The following RAP1GDS1 variants were observed in gnomAD, a reference collection of about 807,000 sequenced individuals.
RAP1GDS1 encodes Rap1 GTPase-GDP dissociation stimulator 1.
Under a neutral mutation model 71.1 loss-of-function variants are expected in RAP1GDS1, and 35 were observed. That is an observed-to-expected ratio of 0.49 (90% confidence interval 0.38 to 0.65). The LOEUF (loss-of-function observed/expected upper bound fraction) is 0.65. RAP1GDS1 is among the 30% of genes least tolerant of loss of function. The pLI is 0.00. For missense variants in RAP1GDS1, 663 were observed against 706.1 expected, an observed-to-expected ratio of 0.94 and a Z score of 0.69; for synonymous variants, 229 against 243.1, an observed-to-expected ratio of 0.94 and a Z score of 0.54.
chr4:98,291,655 G>A (rs1177844924), intron 1 of RAP1GDS1, among the ~76,000 whole-genome samples: 1 of 152,100 alleles, frequency 6.6e-6, no homozygotes, highest in Admixed American at 6.6e-5. Context: ...TATTTGTAGA[G>A]TCACAATGGG....
chr4:98,264,725 C>T (rs907820372), intron 1 of RAP1GDS1, among the ~76,000 whole-genome samples: 1 of 151,900 alleles, frequency 6.6e-6, no homozygotes, highest in Non-Finnish European at 1.5e-5. Flanking sequence ...ATGGAGAGAA[C>T]GTTTTAGAGA....
At chr4:98,441,162 T>C (rs1482623954) in intron 14 of RAP1GDS1, among the ~76,000 whole-genome samples, 1 of 152,232 alleles carries the variant, frequency 6.6e-6, no homozygotes, top group Non-Finnish European at 1.5e-5. Context: ...ATTTTTCTAT[T>C]ACTACTAAAA....
chr4:98,302,838 G>A (rs1578363897), intron 2 of RAP1GDS1, among the ~76,000 whole-genome samples: 1 of 152,188 alleles, frequency 6.6e-6, no homozygotes, highest in South Asian at 2.1e-4. Context: ...TTGAGGTCAG[G>A]AGTTGGAGAC....
At chr4:98,405,871 T>C (rs1484273966) in intron 7 of RAP1GDS1, among the ~76,000 whole-genome samples, 1 of 151,996 alleles carries the variant, frequency 6.6e-6, no homozygotes. Flanking sequence ...ACATTGAATA[T>C]ATCAAAAAAA....
Position 98,379,339 on chromosome 4 carries a change from T to A in RAP1GDS1, c.508+176T>A, listed in dbSNP as rs999194383. The stretch of plus-strand genomic sequence containing the variant: ...GTTTCAAAAATGTAAAATGGTTAAT[T>A]TACTAAATGGGACTAATTTTTGAAG... On this transcript the variant is annotated intron_variant, in intron 5 of 14. Coordinates refer to ENST00000408927, the MANE Select transcript of RAP1GDS1 (RefSeq NM_001100427.2). The A allele has an allele frequency of 2.8e-5, 21 of 739,744 alleles. No homozygotes were observed. The East Asian group carries it at 5.9e-4, about 21-fold the overall frequency. 45.8% of individuals were successfully genotyped at this position (739,744 alleles called of 1,614,324 possible). A position where few individuals can be genotyped will look rare whatever the true frequency, so the allele number is the denominator to read the frequency against.
At chr4:98,339,899 T>A (rs187529435) in intron 2 of RAP1GDS1, among the ~76,000 whole-genome samples, 8 of 152,104 alleles carry the variant, frequency 5.3e-5, no homozygotes, top group Admixed American at 3.9e-4. Context: ...GGAAATTAGC[T>A]TGGCCATTTT....
chr4:98,412,673 A>G (rs1320735956), intron 7 of RAP1GDS1, among the ~76,000 whole-genome samples: 1 of 152,180 alleles, frequency 6.6e-6, no homozygotes, highest in Admixed American at 6.5e-5. Flanking sequence ...AGCCCCCAAT[A>G]TTTCAATGTA....
chr4:98,378,886 T>C, intron 4 of RAP1GDS1, 131 bp from the exon 5 acceptor site: 6 of 866,372 alleles, frequency 6.9e-6, no homozygotes, highest in Non-Finnish European at 9.9e-6. Flanking sequence ...AAAAGACATA[T>C]TTAATGTCCT....
rs397994660 is a variant in RAP1GDS1 at position 98,443,015 on chromosome 4, ATT to A, written c.*920_*921del. ...TGAGTATAGTTCATTGAAGAATGGA[ATT>A]TTTTTTTTTTTTTTTTTTTTTGCTG... is the stretch of plus-strand genomic sequence containing the variant. On this transcript the variant is annotated 3_prime_UTR_variant, in exon 15 of 15. Transcript: ENST00000408927. 0.011 allele frequency: 1,456 copies of A among 136,160 alleles called. No individual in the cohort carries two copies. Among genetic ancestry groups the A allele is most frequent in the Middle Eastern group, 0.025 (10 of 398 alleles). The allele number at this position is 136,160 out of a possible 1,614,324, so 8.4% of individuals were successfully genotyped here. A position where few individuals can be genotyped will look rare whatever the true frequency, so the allele number is the denominator to read the frequency against.
In RAP1GDS1 at chr4:98,414,600, G is replaced by C. The variant is rs1435748504; in HGVS notation, c.764-2145G>C. Among the ~76,000 whole-genome samples, 6 of 149,822 alleles carry C rather than the reference G, an allele frequency of 4.0e-5. No homozygotes were observed. In the South Asian group the frequency reaches 6.3e-4, roughly 16 times the overall value. ...ATCTCTGTTTTGGTACCAGTACCAT[G>C]CTGTTTTGGTTACTGTAGCCTTGTA... On this transcript the variant is annotated intron_variant, in intron 7 of 14. Coordinates refer to ENST00000408927, the MANE Select transcript of RAP1GDS1 (RefSeq NM_001100427.2).
At chr4:98,396,846 A>G (rs918190712) in intron 6 of RAP1GDS1, 1 of 152,236 alleles carries the variant, frequency 6.6e-6, no homozygotes, top group Non-Finnish European at 1.5e-5. Context: ...TGAATATGAC[A>G]TATTACTAAA....
intron 2 of RAP1GDS1, among the ~76,000 whole-genome samples, chr4:98,308,682 G>T (rs533962156): frequency 4.6e-5 from 7 of 151,890 alleles, no homozygotes; most frequent in Non-Finnish European, 1.0e-4. Context: ...TTGAATCAAG[G>T]TCATGCAGTA....
At chr4:98,334,011 A>T (rs751670789) in intron 2 of RAP1GDS1, among the ~76,000 whole-genome samples, 1 of 152,186 alleles carries the variant, frequency 6.6e-6, no homozygotes, top group African/African-American at 2.4e-5. Context: ...ATGTATGCTG[A>T]TAATTTTGAA....
At position 98,350,562 on chromosome 4, in the gene RAP1GDS1, G is replaced by A. The variant is rs76371633; in HGVS notation, c.236-1914G>A. On this transcript the variant is annotated intron_variant, in intron 3 of 14. Coordinates refer to ENST00000408927, the MANE Select transcript of RAP1GDS1 (RefSeq NM_001100427.2). ...TCTATAAAAAAATAAAAAATTGGCC[G>A]GGCGTGGTGGCTCACGGCTGTAATC... 6.7e-3 allele frequency among the ~76,000 whole-genome samples: 1,025 copies of A among 152,132 alleles called. 18 individuals carry two copies. The highest frequency in any genetic ancestry group is 0.036 in the East Asian group (187 of 5,164).
At chr4:98,324,302 T>C (rs564055216) in intron 2 of RAP1GDS1, among the ~76,000 whole-genome samples, 1 of 152,004 alleles carries the variant, frequency 6.6e-6, no homozygotes, top group Non-Finnish European at 1.5e-5. Context: ...CATTCCATGC[T>C]CATGGGTAGG....
At chr4:98,343,661 T>A (rs546972541) in intron 3 of RAP1GDS1, among the ~76,000 whole-genome samples, 17 of 152,346 alleles carry the variant, frequency 1.1e-4, no homozygotes, top group African/African-American at 4.1e-4. Flanking sequence ...TTTGGCCTAT[T>A]GTTCCGACAT....
intron 2 of RAP1GDS1, among the ~76,000 whole-genome samples, chr4:98,341,885 C>A (rs1735555139): frequency 6.6e-6 from 1 of 152,144 alleles, no homozygotes; most frequent in Non-Finnish European, 1.5e-5. Context: ...ATTGGAAATA[C>A]ATTTTACATA....
chr4:98,338,015 GGGGAGGCAAACC>G (rs779394053), intron 2 of RAP1GDS1, among the ~76,000 whole-genome samples: 133 of 152,210 alleles, frequency 8.7e-4, no homozygotes, highest in Non-Finnish European at 1.7e-3. Flanking sequence ...GGACAGGGCA[GGGGAGGCAAACC>G]GGAGTTAGGG....
At chr4:98,431,195 A>G (rs1750353684) in intron 12 of RAP1GDS1, among the ~76,000 whole-genome samples, 1 of 152,232 alleles carries the variant, frequency 6.6e-6, no homozygotes, top group Non-Finnish European at 1.5e-5. Flanking sequence ...TCATTTGCTC[A>G]TTCATCCAAC....
Sources: gnomAD v4.1 joint callset for allele counts (sites outside exome capture counted in the v4.1 genomes callset) on GRCh38, gnomAD v4.1.1 for gene constraint, MANE v1.5 for transcripts, NCBI Gene and HGNC (gene_info 2026-07-23, HGNC 2026-07-21) for gene names.